GNL3L: variants seen among roughly 807,000 people sequenced by gnomAD.
GNL3L encodes guanine nucleotide-binding protein-like 3-like protein.
Under a neutral mutation model 42.9 loss-of-function variants are expected in GNL3L, and 4 were observed. That is an observed-to-expected ratio of 0.09 (90% CI 0.05 to 0.21). The LOEUF is 0.21. Among genes scored for constraint, GNL3L ranks in the 10% least tolerant of loss-of-function variants. GNL3L has a pLI of 1.00. For missense variants in GNL3L, 412 were observed against 481.7 expected, an observed-to-expected ratio of 0.86 and a Z score of 1.36; for synonymous variants, 159 against 176.3, an observed-to-expected ratio of 0.90 and a Z score of 0.78.
the GNL3L span, among the ~76,000 whole-genome samples, chrX:54,627,451 A>C: frequency 9.0e-6 from 1 of 111,257 alleles, no homozygotes; most frequent in Admixed American, 9.6e-5. Flanking sequence ...TCTTTTCAAA[A>C]AACCAACTTT....
rs1924831969 is a variant in GNL3L, at chrX:54,548,308, T to C, written c.710T>C (p.Met237Thr). Residue 237 changes from methionine to threonine, a missense_variant, in exon 9 of 16, where the codon ATG (methionine) becomes ACG (threonine). Physicochemically the swap from Met to Thr is moderately conservative, Grantham distance 81. Coordinates refer to ENST00000360845, the MANE Select transcript of GNL3L (RefSeq NM_001184819.2). ...SKACFGAENL[M>T]RVLGNYCRLG... Reference sequence around the variant, plus strand: ...GCCTGCTTTGGAGCTGAAAACCTCATGAGGGTTCTGGGGAACTATTGCCGC... The same window carrying C: ...GCCTGCTTTGGAGCTGAAAACCTCACGAGGGTTCTGGGGAACTATTGCCGC... 5 of 1,204,820 alleles carry C rather than the reference T, an allele frequency of 4.2e-6. No homozygotes were observed. The East Asian group carries it at 1.5e-4, about 36-fold the overall frequency.
At chrX:54,538,925 A>G (rs1475141302) in intron 2 of GNL3L, 115 bp from the exon 3 acceptor site, 4 of 460,212 alleles carry the variant, frequency 8.7e-6, no homozygotes, top group Non-Finnish European at 1.5e-5. Context: ...CTAGACAGAC[A>G]TGGTATCTGA....
At chrX:54,605,921 G>C (rs1470716817) in intron 16 of GNL3L, among the ~76,000 whole-genome samples, 2 of 111,352 alleles carry the variant, frequency 1.8e-5, no homozygotes, top group African/African-American at 6.5e-5. Flanking sequence ...CTCACACTTT[G>C]TTTTACATCC....
intron 4 of GNL3L, among the ~76,000 whole-genome samples, chrX:54,540,640 T>C (rs2147476033): frequency 9.0e-6 from 1 of 111,729 alleles, no homozygotes; most frequent in South Asian, 3.7e-4. Flanking sequence ...TGACAGTCTC[T>C]TTTGCCACTT....
chrX:54,546,661 G>T (rs5960309), intron 8 of GNL3L, among the ~76,000 whole-genome samples: 16,710 of 110,377 alleles, frequency 0.15, 2,024 homozygotes, highest in African/African-American at 0.41. Context: ...TTAAATTTTT[G>T]TTGAGATGGA....
Position 54,548,385 on chromosome X carries a change from T to C in GNL3L, c.775+12T>C, listed in dbSNP as rs201402960. 6.8e-6 allele frequency: 8 copies of C among 1,180,569 alleles called. No homozygotes were observed. The highest frequency in any genetic ancestry group is 6.8e-5 in the Admixed American group (3 of 44,441). ...TGTGGGTGTTGTGGGTAAGACCTGC[T>C]GTGTGGTCATGGGGCTCAGGCTTCT... On this transcript the variant is annotated intron_variant, in intron 9 of 15. Transcript: ENST00000360845.
chrX:54,530,730 T>G (rs938039415), intron 1 of GNL3L, among the ~76,000 whole-genome samples: 6 of 112,109 alleles, frequency 5.4e-5, no homozygotes, highest in Non-Finnish European at 1.1e-4. Flanking sequence ...GACATCTCCC[T>G]CCACCCAGCT....
chrX:54,603,023 A>G, intron 16 of GNL3L, among the ~76,000 whole-genome samples: 1 of 111,907 alleles, frequency 8.9e-6, no homozygotes, highest in South Asian at 3.7e-4. Flanking sequence ...TTAAGCTGCT[A>G]ATTTTGTGGT....
At chrX:54,534,124 T>TCC (rs1924351202) in intron 2 of GNL3L, among the ~76,000 whole-genome samples, 1 of 92,394 alleles carries the variant, frequency 1.1e-5, no homozygotes, top group Admixed American at 1.1e-4. Context: ...CAAACAATCC[T>TCC]CCCATCTTGG....
At chrX:54,571,396 C>T (rs980082981), downstream of GNL3L, among the ~76,000 whole-genome samples, 1 of 108,582 alleles carries the variant, frequency 9.2e-6, no homozygotes, top group African/African-American at 3.4e-5. Flanking sequence ...GGGGTTTTAC[C>T]GTGTTAGCCA....
chrX:54,588,287 A>G (rs1025741305), intron 16 of GNL3L, among the ~76,000 whole-genome samples: 26 of 112,012 alleles, frequency 2.3e-4, no homozygotes, highest in Admixed American at 1.8e-3. Context: ...GCTTTGTTCC[A>G]TATCTTAGGG....
At position 54,566,351 on chromosome X, in the gene GNL3L, G is replaced by A. The variant is rs1187560375; in HGVS notation, c.*5749G>A. Among the ~76,000 whole-genome samples, 3 of 111,587 alleles carry A rather than the reference G, an allele frequency of 2.7e-5. No homozygotes were observed. Among genetic ancestry groups the A allele is most frequent in the Non-Finnish European group, 5.6e-5 (3 of 53,187 alleles). ...CCAGTCTTTCGTTGATAGACATTTAGGTCGATTCCATGTCTTTGGTATTGT... is the reference window on the plus strand; with the variant it reads ...CCAGTCTTTCGTTGATAGACATTTAAGTCGATTCCATGTCTTTGGTATTGT... On this transcript the variant is annotated 3_prime_UTR_variant, in exon 16 of 16. Transcript: ENST00000360845.
At chrX:54,628,913 T>TAATTATAA in the GNL3L span, among the ~76,000 whole-genome samples, 26 of 101,735 alleles carry the variant, frequency 2.6e-4, no homozygotes, top group South Asian at 1.2e-3. Flanking sequence ...AAACATAATA[T>TAATTATAA]AATATAATTA....
At chrX:54,608,969 C>G (rs980592974) in intron 16 of GNL3L, among the ~76,000 whole-genome samples, 2 of 111,935 alleles carry the variant, frequency 1.8e-5, no homozygotes, top group African/African-American at 6.5e-5. Context: ...ACATTCCCAT[C>G]AGCAGTGTAG....
At chrX:54,572,537 G>A (rs1327676276) in intron 16 of GNL3L, among the ~76,000 whole-genome samples, 2 of 112,146 alleles carry the variant, frequency 1.8e-5, no homozygotes, top group Non-Finnish European at 3.8e-5. Context: ...TCCCAGACGG[G>A]GTGGTGGCCG....
intron 9 of GNL3L, among the ~76,000 whole-genome samples, chrX:54,550,206 G>A (rs190535091): frequency 8.9e-4 from 50 of 56,465 alleles, no homozygotes; most frequent in Middle Eastern, 8.4e-3. Flanking sequence ...GGGAATGACC[G>A]AGAGAGAGAG....
chrX:54,574,341 G>A (rs1229415364), intron 16 of GNL3L, among the ~76,000 whole-genome samples: 2 of 111,689 alleles, frequency 1.8e-5, no homozygotes, highest in African/African-American at 6.5e-5. Context: ...TTTTTATCAC[G>A]ATTGAGTGTT....
chrX:54,621,588 A>G (rs968333599), downstream of GNL3L, among the ~76,000 whole-genome samples: 1 of 111,934 alleles, frequency 8.9e-6, no homozygotes, highest in Non-Finnish European at 1.9e-5. Flanking sequence ...TTTGTTACAC[A>G]TCACTAGTAA....
At position 54,561,754 on chromosome X, in the gene GNL3L, A is replaced by G. The variant is rs921719000; in HGVS notation, c.*1152A>G. 2.7e-5 allele frequency among the ~76,000 whole-genome samples: 3 copies of G among 111,288 alleles called. No individual in the cohort carries two copies. The highest frequency in any genetic ancestry group is 5.7e-5 in the Non-Finnish European group (3 of 53,024). ...TTTATTCACAGACTGTATCCTCGAGAGAGCTGCTATATATGGGAGTGTACC... is the reference window on the plus strand; with the variant it reads ...TTTATTCACAGACTGTATCCTCGAGGGAGCTGCTATATATGGGAGTGTACC... On this transcript the variant is annotated 3_prime_UTR_variant, in exon 16 of 16. Transcript: ENST00000360845.
Sources: allele counts gnomAD v4.1 joint callset (sites outside exome capture counted in the v4.1 genomes callset), GRCh38; gene constraint gnomAD v4.1.1; transcripts MANE v1.5; gene names NCBI Gene and HGNC (gene_info 2026-07-23, HGNC 2026-07-21).